HGS: variants seen among roughly 807,000 people sequenced by gnomAD.
HGS encodes hepatocyte growth factor-regulated tyrosine kinase substrate, also known as human growth factor-regulated tyrosine kinase substrate.
In HGS, 63 loss-of-function variants were observed where a neutral mutation model predicts 109.7. The observed-to-expected ratio is 0.57, with a 90% CI of 0.47 to 0.71. The LOEUF (loss-of-function observed/expected upper bound fraction) is 0.71, where lower values mean the gene tolerates loss of function less well. HGS is among the 30% of genes least tolerant of loss of function. The probability of loss-of-function intolerance (pLI) is 0.00; values close to 1 mark genes in which losing one functional copy is unlikely to be tolerated. For missense variants in HGS, 995 were observed against 1,068.3 expected (o/e 0.93, Z 0.96); for synonymous variants, 546 against 437.3 (o/e 1.25, Z -3.10).
chr17:81,701,482 G>A, intron 21 of HGS, 26 bp from the exon 22 acceptor site: 1 of 1,535,454 alleles, frequency 6.5e-7, no homozygotes. Context: ...GAGGACCAGG[G>A]CCATGCCTGC....
Position 81,696,832 on chromosome 17 carries a change from C to G in HGS, c.1716C>G (p.Ala572=). 6.2e-7 allele frequency: 1 copy of G among 1,609,780 alleles called. No homozygotes were observed. The highest frequency in any genetic ancestry group is 8.5e-7 in the Non-Finnish European group (1 of 1,178,354). ...AFPLPYAQLQ[A]MPAAGGVLYQ... ...GTCTCTTTTGTCCCCAGCTCCAGGC[C>G]ATGCCCGCAGCCGGAGGTGTGCTCT... The change falls in exon 18 of 22, where the codon GCC becomes GCG. Residue 572 remains alanine, a synonymous_variant. Coordinates refer to ENST00000329138, the MANE Select transcript of HGS (RefSeq NM_004712.5).
chr17:81,684,907 A>G (rs1193255985), intron 1 of HGS: 3 of 985,234 alleles, frequency 3.0e-6, no homozygotes, highest in East Asian at 2.3e-4. Context: ...TCAGTGCTTC[A>G]GGGATGAATC....
Position 81,693,708 on chromosome 17 carries a change from G to C in HGS, c.796G>C (p.Ala266Pro). 2 of 1,558,544 alleles carry C rather than the reference G, an allele frequency of 1.3e-6. No homozygotes were observed. Among genetic ancestry groups the C allele is most frequent in the Non-Finnish European group, 1.7e-6 (2 of 1,151,426 alleles). Residue 266 changes from alanine to proline, a missense_variant, in exon 10 of 22, where the codon GCC becomes CCC. This residue lies in a region of HGS where 300 missense variants were observed against 235.4 expected (regional missense o/e 1.27). Transcript: ENST00000329138. ...ALQEEEELQL[A>P]LALSQSEAEE... ...GCAGGAGGAGGAGGAGCTGCAGCTG[G>C]CCCTGGCGCTGTCACAGTCAGAGGC...
chr17:81,685,119 G>C (rs35569308), intron 1 of HGS: 1 of 965,834 alleles, frequency 1.0e-6, no homozygotes, highest in Admixed American at 6.2e-5. Flanking sequence ...TATTTCCAAA[G>C]CACTTGGCTT....
chr17:81,691,577 TC>T lies in HGS; in HGVS notation c.662+10del. On this transcript the variant is annotated splice_region_variant and intron_variant, in intron 8 of 21. Transcript: ENST00000329138. This position sits in a 1 kb window ranked among gnomAD's most constrained non-coding sequence, Gnocchi z 5.3. ...TGCTACGAGCAGCTGAACAGGTGAG[TC>T]CCCGCCCCCCATTTGGGCTGCAGGT... 1 of 1,613,720 alleles carries T rather than the reference TC, an allele frequency of 6.2e-7. No individual in the cohort carries two copies. The highest frequency in any genetic ancestry group is 8.5e-7 in the Non-Finnish European group (1 of 1,179,852).
At position 81,691,324 on chromosome 17, in the gene HGS, T is replaced by C; in HGVS notation, c.538-123T>C. Reference sequence around the variant, plus strand: ...GGGTCTTCCCAGGCACTTGTTCTGCTTGTCCCTTGCCTTCCCCCACCTGTG... The same window carrying C: ...GGGTCTTCCCAGGCACTTGTTCTGCCTGTCCCTTGCCTTCCCCCACCTGTG... On this transcript the variant is annotated intron_variant, in intron 7 of 21. Transcript: ENST00000329138. This position sits in a 1 kb window ranked among gnomAD's most constrained non-coding sequence, Gnocchi z 5.3. 1 of 1,230,508 alleles carries C rather than the reference T, an allele frequency of 8.1e-7. No individual in the cohort carries two copies. Among genetic ancestry groups the C allele is most frequent in the Non-Finnish European group, 1.2e-6 (1 of 860,810 alleles). 76.2% of individuals were successfully genotyped at this position (1,230,508 alleles called of 1,614,324 possible).
intron 4 of HGS, among the ~76,000 whole-genome samples, chr17:81,688,480 G>A (rs1053137530): frequency 7.2e-5 from 11 of 152,216 alleles, no homozygotes; most frequent in South Asian, 4.1e-4. Flanking sequence ...GCACAGAGAC[G>A]CGGCGTTGTT....
chr17:81,694,715 G>T, intron 11 of HGS, 100 bp from the exon 12 acceptor site: 1 of 1,440,252 alleles, frequency 6.9e-7, no homozygotes, highest in South Asian at 1.2e-5. Flanking sequence ...CCCAGGCTGC[G>T]GCTCTGGTCT....
intron 5 of HGS, among the ~76,000 whole-genome samples, 188 bp from the exon 6 acceptor site, chr17:81,689,994 A>G (rs1400848774): frequency 6.6e-6 from 1 of 152,076 alleles, no homozygotes; most frequent in Non-Finnish European, 1.5e-5. Flanking sequence ...GTCTCCCGCC[A>G]CAGTGAGGAC....
At chr17:81,685,747 TCGCTTGGTGCC>T in intron 2 of HGS, 58 bp downstream of exon 2, 1 of 1,378,136 alleles carries the variant, frequency 7.3e-7, no homozygotes, top group African/African-American at 1.4e-5. Context: ...TAAGCTGGGC[TCGCTTGGTGCC>T]CGTTGGGTCT....
At chr17:81,688,580 C>T in intron 4 of HGS, 124 bp from the exon 5 acceptor site, 2 of 1,247,082 alleles carry the variant, frequency 1.6e-6, no homozygotes, top group Non-Finnish European at 2.2e-6. Flanking sequence ...CTCGGGGGGC[C>T]CTCCCTGGCC....
rs1662917771 is a variant in HGS at position 81,700,760 on chromosome 17, G to A, written c.2082G>A (p.Met694Ile). The change falls in exon 20 of 22, where the codon ATG (methionine) becomes ATA (isoleucine). Residue 694 changes from methionine to isoleucine, a missense_variant. Physicochemically the swap from Met to Ile is conservative, Grantham distance 10. Around this residue, in one of 6 missense-constraint regions of HGS, gnomAD observed 326 missense variants for 309.7 expected, o/e 1.05. Coordinates refer to ENST00000329138, the MANE Select transcript of HGS (RefSeq NM_004712.5). ...AISQPPQSST[M>I]GYMGSQSVSM... is the part of the protein sequence containing the mutation. ...CTCAGCCTCCGCAGTCCAGCACCAT[G>A]GGCTACATGGGGAGCCAGTCAGTCT... 6.2e-7 allele frequency: 1 copy of A among 1,612,426 alleles called. No individual in the cohort carries two copies.
intron 18 of HGS, chr17:81,697,349 G>GCCC (rs59387473): frequency 2.8e-3 from 174 of 61,854 alleles, no homozygotes; most frequent in African/African-American, 5.5e-3. Flanking sequence ...CGTGGCATTT[G>GCCC]CCCCCCCCCC....
At position 81,691,191 on chromosome 17, in the gene HGS, A is replaced by G; in HGVS notation, c.538-256A>G. 1.9e-6 allele frequency: 1 copy of G among 516,426 alleles called. No individual in the cohort carries two copies. The highest frequency in any genetic ancestry group is 2.2e-5 in the South Asian group (1 of 45,182). The allele number at this position is 516,426 out of a possible 1,614,324, so 32.0% of individuals were successfully genotyped here. On this transcript the variant is annotated intron_variant, in intron 7 of 21. Transcript: ENST00000329138. The surrounding 1 kb of genome is among the most constrained non-coding windows in gnomAD (Gnocchi z 5.3). ...ACAAAAGCTCTTGTTTTATCAGCAG[A>G]ATTGATGTGTATTTTTTCCTTGCCC... is the stretch of plus-strand genomic sequence containing the variant.
rs2037241202 is a variant in HGS at position 81,701,714 on chromosome 17, G to A, written c.*96G>A. On this transcript the variant is annotated 3_prime_UTR_variant, in exon 22 of 22. Transcript: ENST00000329138. ...TCGTCCTGCCTCCCTGTCCTCTACT[G>A]CCGGTAGTGTCCCTTCTCTGCGAGT... is the stretch of plus-strand genomic sequence containing the variant. 6.8e-7 allele frequency: 1 copy of A among 1,470,212 alleles called. No homozygotes were observed. 91.1% of individuals were successfully genotyped at this position (1,470,212 alleles called of 1,614,324 possible). A position where few individuals can be genotyped will look rare whatever the true frequency, so the allele number is the denominator to read the frequency against.
chr17:81,697,363 C>CA (rs2037169672), intron 18 of HGS: 1 of 133,298 alleles, frequency 7.5e-6, no homozygotes, highest in African/African-American at 3.0e-5. Context: ...CCCCCCCCCC[C>CA]GCCTTTAATC....
rs1232151037 is a variant in HGS at position 81,694,858 on chromosome 17, G to A, written c.975+5G>A. 5 of 1,614,128 alleles carry A rather than the reference G, an allele frequency of 3.1e-6. No individual in the cohort carries two copies. Among genetic ancestry groups the A allele is most frequent in the Admixed American group, 1.7e-5 (1 of 60,010 alleles). On this transcript the variant is annotated splice_donor_5th_base_variant and intron_variant, in intron 12 of 21. Transcript: ENST00000329138. Reference sequence around the variant, plus strand: ...GCTGAGGACATCGACCCTGAGGTAAGGCCCAGCATGGGGTGCATCCTCTCA... The same window carrying A: ...GCTGAGGACATCGACCCTGAGGTAAAGCCCAGCATGGGGTGCATCCTCTCA...
intron 5 of HGS, among the ~76,000 whole-genome samples, chr17:81,689,145 C>T (rs1281917945): frequency 6.6e-6 from 1 of 152,242 alleles, no homozygotes; most frequent in Non-Finnish European, 1.5e-5. Flanking sequence ...CAGGGAAGGC[C>T]TCTGAAGGAG....
intron 18 of HGS, among the ~76,000 whole-genome samples, chr17:81,699,066 C>CAAA (rs66717663): frequency 1.0e-5 from 1 of 98,032 alleles, no homozygotes; most frequent in East Asian, 2.7e-4. Context: ...GACTCCGTCT[C>CAAA]AAAAAAAAAA....
Sources: gnomAD v4.1 joint callset for allele counts (sites outside exome capture counted in the v4.1 genomes callset) on GRCh38, gnomAD v4.1.1 for gene constraint, gnomAD v4.1.1 regional missense constraint, Gnocchi (gnomAD v3.1) non-coding constraint, MANE v1.5 for transcripts, NCBI Gene and HGNC (gene_info 2026-07-23, HGNC 2026-07-21) for gene names.